CUX1: variants seen among roughly 807,000 people sequenced by gnomAD.
CUX1 encodes protein CASP.
A neutral mutation model predicts 158.8 loss-of-function variants in CUX1; 31 were observed. That is an observed-to-expected ratio of 0.20 (90% CI 0.15 to 0.26). The LOEUF (loss-of-function observed/expected upper bound fraction) is 0.26, where lower values mean the gene tolerates loss of function less well. CUX1 is among the 10% of genes least tolerant of loss of function. CUX1 has a pLI of 1.00. For missense variants in CUX1, 1,589 were observed against 2,014.6 expected, an observed-to-expected ratio of 0.79 and a Z score of 4.04; for synonymous variants, 879 against 862.1, an observed-to-expected ratio of 1.02 and a Z score of -0.34.
At chr7:102,182,541 A>G (rs1793207539) in intron 11 of CUX1, among the ~76,000 whole-genome samples, 2 of 152,142 alleles carry the variant, frequency 1.3e-5, no homozygotes, top group African/African-American at 4.8e-5. Context: ...CTCCCCATAA[A>G]TGCCCCGCTA....
At position 102,254,382 on chromosome 7, in the gene CUX1, C is replaced by G. The variant is rs1789653483; in HGVS notation, c.*5340C>G. 1 of 985,450 alleles carries G rather than the reference C, an allele frequency of 1.0e-6. No individual in the cohort carries two copies. Among genetic ancestry groups the G allele is most frequent in the Non-Finnish European group, 1.2e-6 (1 of 829,964 alleles). 61.0% of individuals were successfully genotyped at this position (985,450 alleles called of 1,614,324 possible). ...TGGTTTTAGCGTCACTGCGAACACT[C>G]CTTTGCAAACATCAAACATCTCAAA... On this transcript the variant is annotated 3_prime_UTR_variant, in exon 24 of 24. Transcript: ENST00000292535.
At chr7:102,176,585 T>TG (rs1671704717) in intron 10 of CUX1, among the ~76,000 whole-genome samples, 1 of 115,944 alleles carries the variant, frequency 8.6e-6, no homozygotes, top group Admixed American at 8.3e-5. Context: ...TTTTTTTTTT[T>TG]GCTTTGACAC....
chr7:102,175,306 C>T (rs749387301), intron 10 of CUX1, among the ~76,000 whole-genome samples: 4 of 152,218 alleles, frequency 2.6e-5, no homozygotes, highest in Non-Finnish European at 5.9e-5. Context: ...ACCCACATTC[C>T]CTTGGCTGGT....
intron 1 of CUX1, among the ~76,000 whole-genome samples, chr7:101,914,985 C>G (rs1042422747): frequency 6.6e-6 from 1 of 152,126 alleles, no homozygotes; most frequent in Non-Finnish European, 1.5e-5. Flanking sequence ...AGGAGAGGCT[C>G]TAGTGTGCTT....
intron 2 of CUX1, among the ~76,000 whole-genome samples, chr7:102,002,655 CA>C (rs999791315): frequency 1.3e-5 from 2 of 152,200 alleles, no homozygotes; most frequent in African/African-American, 4.8e-5. Context: ...GAGTCTGAAG[CA>C]AGGTCCCACT....
At chr7:101,913,625 G>T (rs911649656) in intron 1 of CUX1, among the ~76,000 whole-genome samples, 1 of 152,146 alleles carries the variant, frequency 6.6e-6, no homozygotes, top group African/African-American at 2.4e-5. Flanking sequence ...GAAGTTGGGG[G>T]TCGGGGCTGG....
At chr7:102,065,293 T>C (rs1432047019) in intron 3 of CUX1, among the ~76,000 whole-genome samples, 2 of 152,168 alleles carry the variant, frequency 1.3e-5, no homozygotes, top group Admixed American at 6.5e-5. Context: ...CTGCCCAAGC[T>C]GGTCTTGAAT....
chr7:101,880,002 G>A (rs1477524538), intron 1 of CUX1, among the ~76,000 whole-genome samples: 2 of 152,212 alleles, frequency 1.3e-5, no homozygotes, highest in Admixed American at 1.3e-4. Context: ...CTGGGGGCTG[G>A]GGGAGAGGAG....
intron 2 of CUX1, among the ~76,000 whole-genome samples, chr7:102,007,731 T>A (rs991276415): frequency 6.6e-6 from 1 of 151,136 alleles, no homozygotes; most frequent in African/African-American, 2.4e-5. Context: ...CCTCTGGTGT[T>A]TTTTTTGTTT....
rs978735904 is a variant in CUX1, at chr7:102,211,891, G to A, written c.3130+6721G>A. Among the ~76,000 whole-genome samples, 6 of 152,112 alleles carry A rather than the reference G, an allele frequency of 3.9e-5. No individual in the cohort carries two copies. The East Asian group carries it at 5.8e-4, about 15-fold the overall frequency. ...CAGAGGCAGGTGAGGCAGGCCGCGC[G>A]GGAGCAGCACGGGAAGTCCCGGCTG... On this transcript the variant is annotated intron_variant, in intron 20 of 23. Transcript: ENST00000292535.
chr7:102,189,823 A>G lies in CUX1; in HGVS notation c.1028A>G (p.Glu343Gly). 2 of 1,614,268 alleles carry G rather than the reference A, an allele frequency of 1.2e-6. No homozygotes were observed. Among genetic ancestry groups the G allele is most frequent in the Non-Finnish European group, 1.7e-6 (2 of 1,180,038 alleles). Residue 343 changes from glutamate to glycine, a missense_variant, in exon 12 of 24, where the codon GAA becomes GGA. Physicochemically the swap from Glu to Gly is moderately conservative, Grantham distance 98. This residue lies in a region of CUX1 where 515 missense variants were observed against 574.4 expected (regional missense o/e 0.90). Coordinates refer to ENST00000292535, the MANE Select transcript of CUX1 (RefSeq NM_181552.4). ...AKNSTLKQLE[E>G]KLKGQADYEE... Reference sequence around the variant, plus strand: ...CTTCTCTGTTTTCAGCAACTGGAAGAAAAACTCAAAGGCCAGGCTGACTAT... The same window carrying G: ...CTTCTCTGTTTTCAGCAACTGGAAGGAAAACTCAAAGGCCAGGCTGACTAT...
intron 23 of CUX1, among the ~76,000 whole-genome samples, chr7:102,247,360 C>T (rs534117628): frequency 2.3e-4 from 35 of 152,246 alleles, no homozygotes; most frequent in Non-Finnish European, 3.8e-4. Flanking sequence ...CTCCTGAAGT[C>T]CTGATGGATG....
chr7:101,840,379 C>T (rs1035138454), intron 1 of CUX1, among the ~76,000 whole-genome samples: 4 of 152,116 alleles, frequency 2.6e-5, no homozygotes, highest in African/African-American at 9.7e-5. Context: ...GAAGGTTTAA[C>T]CAGGTGAAGG....
chr7:101,899,563 AAAG>A (rs1433508846), intron 1 of CUX1, among the ~76,000 whole-genome samples: 2 of 152,112 alleles, frequency 1.3e-5, no homozygotes, highest in Admixed American at 6.6e-5. Flanking sequence ...ATAAAAAAAT[AAAG>A]AAGTCACAGG....
intron 3 of CUX1, among the ~76,000 whole-genome samples, chr7:102,029,552 G>A (rs541105529): frequency 1.3e-4 from 20 of 152,250 alleles, no homozygotes; most frequent in African/African-American, 4.1e-4. Context: ...AGGCCAGGGC[G>A]ATTGTAGCCA....
At chr7:101,907,095 C>CTGAG (rs1802844140) in intron 1 of CUX1, among the ~76,000 whole-genome samples, 1 of 152,186 alleles carries the variant, frequency 6.6e-6, no homozygotes, top group Non-Finnish European at 1.5e-5. Context: ...GATTAAGTGT[C>CTGAG]TGAGAACATT....
rs139291261 is a variant in CUX1, at chr7:102,279,502, C to T, written c.1681-535C>T. 5.0e-3 allele frequency among the ~76,000 whole-genome samples: 768 copies of T among 152,240 alleles called. 20 individuals carry two copies. Among genetic ancestry groups the T allele is most frequent in the Admixed American group, 0.044 (667 of 15,300 alleles). On this transcript the variant is annotated intron_variant, in intron 18 of 22. Transcript: ENST00000292538. ...CCCCCAGGCCTCCCAGGGGCCACCCCGTGCCAGGAAACCCTTTCTATGAGT... is the reference window on the plus strand; with the variant it reads ...CCCCCAGGCCTCCCAGGGGCCACCCTGTGCCAGGAAACCCTTTCTATGAGT...
At chr7:101,905,991 T>A (rs1325275100) in intron 1 of CUX1, among the ~76,000 whole-genome samples, 1 of 144,056 alleles carries the variant, frequency 6.9e-6, no homozygotes, top group Non-Finnish European at 1.5e-5. Context: ...CCCAGCTAAC[T>A]TTTTTTTTTT....
At chr7:101,855,865 G>A (rs1416136640) in intron 1 of CUX1, among the ~76,000 whole-genome samples, 2 of 116,492 alleles carry the variant, frequency 1.7e-5, no homozygotes, top group Non-Finnish European at 3.4e-5. Context: ...GCGGTAGAAG[G>A]AGTTTCCAGC....
Sources: gnomAD v4.1 joint callset for allele counts (sites outside exome capture counted in the v4.1 genomes callset) on GRCh38, gnomAD v4.1.1 for gene constraint, gnomAD v4.1.1 regional missense constraint, MANE v1.5 for transcripts, NCBI Gene and HGNC (gene_info 2026-07-23, HGNC 2026-07-21) for gene names.